RIMS4: variants seen among roughly 807,000 people sequenced by gnomAD.
The protein encoded by RIMS4 is regulating synaptic membrane exocytosis 4.
In RIMS4, 9 loss-of-function variants were observed where a neutral mutation model predicts 29.0. That is an observed-to-expected ratio of 0.31 (90% CI 0.19 to 0.54). The LOEUF is 0.54. Ranked by LOEUF, RIMS4 falls within the 20% of genes least tolerant of loss-of-function variation. The probability of loss-of-function intolerance (pLI) is 0.94; values close to 1 mark genes in which losing one functional copy is unlikely to be tolerated. For missense variants in RIMS4, 193 were observed against 365.7 expected (o/e 0.53, Z 3.85); for synonymous variants, 130 against 152.9 (o/e 0.85, Z 1.10).
At chr20:44,763,576 A>C (rs2066095310) in intron 2 of RIMS4, among the ~76,000 whole-genome samples, 1 of 152,226 alleles carries the variant, frequency 6.6e-6, no homozygotes, top group Non-Finnish European at 1.5e-5. Flanking sequence ...TGCCACTTGG[A>C]CAGGCGCAAA....
intron 1 of RIMS4, among the ~76,000 whole-genome samples, chr20:44,789,308 A>T (rs566917176): frequency 6.6e-6 from 1 of 152,106 alleles, no homozygotes; most frequent in African/African-American, 2.4e-5. Context: ...TATTATTATA[A>T]TTTTTTTGAG....
rs959577159 is a variant in RIMS4, at chr20:44,783,502, T to C, written c.98-12089A>G. 2.6e-5 allele frequency among the ~76,000 whole-genome samples: 4 copies of C among 152,116 alleles called. No homozygotes were observed. The East Asian group carries it at 7.7e-4, about 29-fold the overall frequency. On this transcript the variant is annotated intron_variant, in intron 1 of 5. Coordinates refer to ENST00000372851, the MANE Select transcript of RIMS4 (RefSeq NM_182970.4). ...GCTGGGCTGTGGTGGTGTGTGTCTG[T>C]AATCCTAGCTACTCAGGAGGCTGAG...
chr20:44,806,330 A>C (rs975924049), intron 1 of RIMS4, among the ~76,000 whole-genome samples: 1 of 152,180 alleles, frequency 6.6e-6, no homozygotes, highest in Non-Finnish European at 1.5e-5. Context: ...CCAGCTCCCC[A>C]GCTAGGCCCC....
At chr20:44,771,619 G>C (rs981880121) in intron 1 of RIMS4, among the ~76,000 whole-genome samples, 1 of 152,184 alleles carries the variant, frequency 6.6e-6, no homozygotes, top group Non-Finnish European at 1.5e-5. Flanking sequence ...TCTGTTAAAC[G>C]ATAGATTCAT....
chr20:44,766,651 T>C (rs975889965), intron 2 of RIMS4, among the ~76,000 whole-genome samples: 1 of 152,010 alleles, frequency 6.6e-6, no homozygotes, highest in Admixed American at 6.6e-5. Flanking sequence ...TGATTATGGA[T>C]TGGGAATGGA....
chr20:44,787,660 C>G (rs955890576), intron 1 of RIMS4, among the ~76,000 whole-genome samples: 1 of 150,302 alleles, frequency 6.7e-6, no homozygotes, highest in Non-Finnish European at 1.5e-5. Context: ...CTGCTGGGAG[C>G]TGCTTTTCCC....
rs2066060413 is a variant in RIMS4, at chr20:44,756,417, C to A, written c.592-65G>T. On this transcript the variant is annotated intron_variant, in intron 5 of 5. Transcript: ENST00000372851. The surrounding 1 kb of genome is among the most constrained non-coding windows in gnomAD (Gnocchi z 5.9). Reference sequence around the variant, plus strand: ...GCCACTCACAGGCCCAGAAGCAGAACCTGGGTCGCCCCATGCCCAATCCAG... The same window carrying A: ...GCCACTCACAGGCCCAGAAGCAGAAACTGGGTCGCCCCATGCCCAATCCAG... The A allele has an allele frequency of 2.8e-6, 4 of 1,417,014 alleles. No individual in the cohort carries two copies. The highest frequency in any genetic ancestry group is 1.4e-5 in the African/African-American group (1 of 70,678). 87.8% of individuals were successfully genotyped at this position (1,417,014 alleles called of 1,614,324 possible). A position where few individuals can be genotyped will look rare whatever the true frequency, so the allele number is the denominator to read the frequency against.
chr20:44,804,163 C>T (rs2066288299), intron 1 of RIMS4, among the ~76,000 whole-genome samples: 1 of 152,258 alleles, frequency 6.6e-6, no homozygotes, highest in African/African-American at 2.4e-5. Context: ...ATGGGTACAT[C>T]TGCAACAGCA....
rs989622317 is a variant in RIMS4, at chr20:44,752,883, C to G, written c.*3251G>C. 2.6e-5 allele frequency: 4 copies of G among 152,518 alleles called. No homozygotes were observed. Among genetic ancestry groups the G allele is most frequent in the Non-Finnish European group, 5.9e-5 (4 of 68,264 alleles). The allele number at this position is 152,518 out of a possible 1,614,324, so 9.4% of individuals were successfully genotyped here. A position where few individuals can be genotyped will look rare whatever the true frequency, so the allele number is the denominator to read the frequency against. On this transcript the variant is annotated 3_prime_UTR_variant, in exon 6 of 6. Coordinates refer to ENST00000372851, the MANE Select transcript of RIMS4 (RefSeq NM_182970.4). ...CAAGGTCTAGACCCAATCCTGTGTA[C>G]CCTCAGTCAGCTGGGCCAGCCCCCA...
chr20:44,790,126 C>A (rs761246980), intron 1 of RIMS4, among the ~76,000 whole-genome samples: 1 of 152,222 alleles, frequency 6.6e-6, no homozygotes, highest in South Asian at 2.1e-4. Context: ...CCAGGCTGCA[C>A]GCCTGATTTT....
intron 2 of RIMS4, among the ~76,000 whole-genome samples, chr20:44,761,607 T>C (rs976666271): frequency 6.6e-6 from 1 of 152,170 alleles, no homozygotes; most frequent in African/African-American, 2.4e-5. Context: ...CTGCCCTTAG[T>C]GGTAGCAGGC....
rs944132361 is a variant in RIMS4 at position 44,756,764 on chromosome 20, T to C, written c.591+134A>G. The C allele has an allele frequency of 1.9e-5, 14 of 729,138 alleles. No homozygotes were observed. In the Admixed American group the frequency reaches 3.3e-4, roughly 17 times the overall value. 45.2% of individuals were successfully genotyped at this position (729,138 alleles called of 1,614,324 possible). A position where few individuals can be genotyped will look rare whatever the true frequency, so the allele number is the denominator to read the frequency against. On this transcript the variant is annotated intron_variant, in intron 5 of 5. Transcript: ENST00000372851. The surrounding 1 kb of genome is among the most constrained non-coding windows in gnomAD (Gnocchi z 5.9). ...GGAGCTCAGTTCAGCCACAGTGAAC[T>C]GAGGGCCTCGCCTGTTTCCTCCAGG...
intron 1 of RIMS4, among the ~76,000 whole-genome samples, chr20:44,779,013 G>A (rs1406956753): frequency 6.6e-6 from 1 of 152,030 alleles, no homozygotes; most frequent in Non-Finnish European, 1.5e-5. Flanking sequence ...ACCCTTCAAT[G>A]GCACCCCATT....
chr20:44,801,077 CA>C (rs1389194723), intron 1 of RIMS4, among the ~76,000 whole-genome samples: 3 of 152,176 alleles, frequency 2.0e-5, no homozygotes, highest in Non-Finnish European at 4.4e-5. Flanking sequence ...TTCCATTTTG[CA>C]AAGGACAGGC....
chr20:44,799,280 G>A (rs935510883), intron 1 of RIMS4, among the ~76,000 whole-genome samples: 2 of 151,840 alleles, frequency 1.3e-5, no homozygotes, highest in Non-Finnish European at 2.9e-5. Context: ...TCTAGACTGG[G>A]CAACAGAGCA....
In RIMS4 at chr20:44,756,972, C is replaced by T. The variant is rs2066063472; in HGVS notation, c.517G>A (p.Ala173Thr). ...TACAGTGGGTCCAGCGACTTGCGAG[C>T]GACTTTGGTCTTCTTCTTGGCAATG... The part of the protein sequence containing the change: ...ICIAKKKTKV[A>T]RKSLDPLYNQ... The change falls in exon 5 of 6, where the codon GCT (alanine) becomes ACT (threonine). Residue 173 changes from alanine to threonine, a missense_variant. Coordinates refer to ENST00000372851, the MANE Select transcript of RIMS4 (RefSeq NM_182970.4). The surrounding 1 kb of genome is among the most constrained non-coding windows in gnomAD (Gnocchi z 5.9). 4 of 1,614,062 alleles carry T rather than the reference C, an allele frequency of 2.5e-6. No individual in the cohort carries two copies. The highest frequency in any genetic ancestry group is 3.4e-6 in the Non-Finnish European group (4 of 1,179,990).
chr20:44,800,451 C>G (rs1161913957), intron 1 of RIMS4, among the ~76,000 whole-genome samples: 1 of 151,970 alleles, frequency 6.6e-6, no homozygotes, highest in African/African-American at 2.4e-5. Context: ...GACAGGGGTG[C>G]CCAGGACACT....
rs2066320671 is a variant in RIMS4, at chr20:44,810,502, G to A, written c.-231C>T. On this transcript the variant is annotated 5_prime_UTR_variant, in exon 1 of 6. Coordinates refer to ENST00000372851, the MANE Select transcript of RIMS4 (RefSeq NM_182970.4). ...GGCGCGCTGTGCTGCTGGCGGCGGC[G>A]GCGGCGGCGGCGGTGGCGGCGGCGG... Among the ~76,000 whole-genome samples, 1 of 142,262 alleles carries A rather than the reference G, an allele frequency of 7.0e-6. No homozygotes were observed. Among genetic ancestry groups the A allele is most frequent in the African/African-American group, 2.5e-5 (1 of 39,786 alleles). The allele number at this position is 142,262 out of a possible 152,430, so 93.3% of individuals were successfully genotyped here.
chr20:44,791,447 T>C (rs2066232217), intron 1 of RIMS4, among the ~76,000 whole-genome samples: 1 of 152,208 alleles, frequency 6.6e-6, no homozygotes, highest in Admixed American at 6.5e-5. Context: ...AGAACCTTTC[T>C]TAGAGGTTTG....
Sources: gnomAD v4.1 joint callset for allele counts (sites outside exome capture counted in the v4.1 genomes callset) on GRCh38, gnomAD v4.1.1 for gene constraint, Gnocchi (gnomAD v3.1) non-coding constraint, MANE v1.5 for transcripts, NCBI Gene and HGNC (gene_info 2026-07-23, HGNC 2026-07-21) for gene names.